Variants in DSCAM observed in about 807,000 individuals in gnomAD.
DSCAM encodes the protein cell adhesion molecule DSCAM.
In DSCAM, 47 loss-of-function variants were observed where a neutral mutation model predicts 217.7. The ratio of observed to expected loss-of-function variants is 0.22; its 90% CI spans 0.17 to 0.28. The LOEUF (loss-of-function observed/expected upper bound fraction) is 0.28. Ranked by LOEUF, DSCAM falls within the 10% of genes least tolerant of loss-of-function variation. The pLI, the probability that DSCAM is intolerant of heterozygous loss-of-function variation, is 1.00. For synonymous variants in DSCAM, 1,056 were observed against 1,015.3 expected, an observed-to-expected ratio of 1.04 and a Z score of -0.76; for missense variants, 2,080 against 2,618.3, an observed-to-expected ratio of 0.79 and a Z score of 4.49.
At chr21:40,302,094 A>G (rs1390657639) in intron 9 of DSCAM, among the ~76,000 whole-genome samples, 1 of 152,160 alleles carries the variant, frequency 6.6e-6, no homozygotes, top group South Asian at 2.1e-4. Flanking sequence ...TTTAAAGATG[A>G]TATTTAGATT....
At chr21:40,528,444 G>C (rs2076417134) in intron 3 of DSCAM, among the ~76,000 whole-genome samples, 1 of 152,080 alleles carries the variant, frequency 6.6e-6, no homozygotes, top group African/African-American at 2.4e-5. Flanking sequence ...TTTATAAATA[G>C]AATAATGCAT....
intron 20 of DSCAM, among the ~76,000 whole-genome samples, chr21:40,100,728 T>A (rs2089739633): frequency 6.6e-6 from 1 of 151,392 alleles, no homozygotes; most frequent in South Asian, 2.1e-4. Context: ...AAACTCACAA[T>A]GGAGTTTCTT....
chr21:40,453,437 T>G (rs2075738164), intron 3 of DSCAM, among the ~76,000 whole-genome samples: 1 of 152,208 alleles, frequency 6.6e-6, no homozygotes, highest in Admixed American at 6.5e-5. Context: ...AATGACTTTA[T>G]GTCCTCAATG....
chr21:40,106,847 T>G (rs924505517), intron 20 of DSCAM, among the ~76,000 whole-genome samples: 11 of 152,158 alleles, frequency 7.2e-5, no homozygotes, highest in African/African-American at 2.7e-4. Flanking sequence ...TGTACTTGTT[T>G]GAATCTTGTC....
intron 3 of DSCAM, among the ~76,000 whole-genome samples, chr21:40,540,462 T>C (rs1314957875): frequency 1.3e-5 from 2 of 152,194 alleles, no homozygotes; most frequent in African/African-American, 4.8e-5. Flanking sequence ...CACACTGCGC[T>C]GTGAATCTCT....
intron 3 of DSCAM, among the ~76,000 whole-genome samples, chr21:40,424,259 C>A (rs1206780796): frequency 6.6e-6 from 1 of 152,104 alleles, no homozygotes; most frequent in African/African-American, 2.4e-5. Context: ...CAAAACATGG[C>A]TTTACTTGGA....
intron 3 of DSCAM, among the ~76,000 whole-genome samples, chr21:40,549,292 C>T (rs2076610751): frequency 6.6e-6 from 1 of 152,114 alleles, no homozygotes; most frequent in South Asian, 2.1e-4. Context: ...ACAAGCTTGG[C>T]AGAACATTCC....
At chr21:40,237,792 T>C (rs1336064379) in intron 11 of DSCAM, among the ~76,000 whole-genome samples, 3 of 152,226 alleles carry the variant, frequency 2.0e-5, no homozygotes, top group Non-Finnish European at 4.4e-5. Context: ...ATAGCCACAC[T>C]GTCTTCCAAG....
At position 40,331,123 on chromosome 21, in the gene DSCAM, G is replaced by A. The variant is rs553842447; in HGVS notation, c.1783+6978C>T. On this transcript the variant is annotated intron_variant, in intron 8 of 32. Transcript: ENST00000400454. ...GTCCTTTCCATAAACAATATTGCAA[G>A]TAACTCCAGTATCTAGAGAGATAGT... Among the ~76,000 whole-genome samples, 8 of 152,306 alleles carry A rather than the reference G, an allele frequency of 5.3e-5. No individual in the cohort carries two copies. In the East Asian group the frequency reaches 1.5e-3, roughly 29 times the overall value.
At chr21:40,638,067 G>T (rs1252979730) in intron 3 of DSCAM, among the ~76,000 whole-genome samples, 1 of 152,116 alleles carries the variant, frequency 6.6e-6, no homozygotes, top group Admixed American at 6.6e-5. Context: ...ATAGTTCTAT[G>T]AGAACATCAT....
intron 10 of DSCAM, among the ~76,000 whole-genome samples, chr21:40,276,721 C>A (rs1171745129): frequency 6.6e-6 from 1 of 152,092 alleles, no homozygotes; most frequent in East Asian, 1.9e-4. Flanking sequence ...ATGTCTGAGG[C>A]TACAAAGAGA....
At chr21:40,131,191 A>C (rs1229826813) in intron 19 of DSCAM, among the ~76,000 whole-genome samples, 2 of 152,238 alleles carry the variant, frequency 1.3e-5, no homozygotes, top group African/African-American at 4.8e-5. Flanking sequence ...ATCTGTAATC[A>C]ATTTGACTGG....
At chr21:40,541,981 G>A (rs1850546400) in intron 3 of DSCAM, among the ~76,000 whole-genome samples, 1 of 152,186 alleles carries the variant, frequency 6.6e-6, no homozygotes, top group South Asian at 2.1e-4. Flanking sequence ...GCATAGATCA[G>A]TGGCTGAAAG....
intron 16 of DSCAM, among the ~76,000 whole-genome samples, chr21:40,164,215 A>G (rs900653363): frequency 6.6e-6 from 1 of 152,192 alleles, no homozygotes; most frequent in African/African-American, 2.4e-5. Context: ...CACTCTGGGG[A>G]TTCCCATCTT....
chr21:40,057,873 C>CTTTT (rs71186913), intron 28 of DSCAM, among the ~76,000 whole-genome samples: 4,917 of 107,086 alleles, frequency 0.046, 475 homozygotes, highest in East Asian at 0.25. Context: ...TCACTGCAGT[C>CTTTT]TTTTTTTTTT....
At chr21:40,210,152 G>A (rs1264011929) in intron 11 of DSCAM, among the ~76,000 whole-genome samples, 3 of 152,072 alleles carry the variant, frequency 2.0e-5, no homozygotes, top group East Asian at 1.9e-4. Flanking sequence ...ATGACTGGCT[G>A]GCACTGTTTT....
In DSCAM at chr21:40,625,629, C is replaced by T. The variant is rs115470547; in HGVS notation, c.508+67181G>A. ...GGATCCTGCTGCAGGAGCTGGAAAG[C>T]CCCCACCCTGTGGCCTTCTCAAGGA... On this transcript the variant is annotated intron_variant, in intron 3 of 32. Transcript: ENST00000400454. Among the ~76,000 whole-genome samples the T allele has an allele frequency of 2.7e-3, 413 of 152,272 alleles. 1 individual carries two copies. The highest frequency in any genetic ancestry group is 9.6e-3 in the African/African-American group (398 of 41,556).
chr21:40,731,250 T>G (rs2091007849), intron 1 of DSCAM, among the ~76,000 whole-genome samples: 1 of 152,210 alleles, frequency 6.6e-6, no homozygotes, highest in Non-Finnish European at 1.5e-5. Flanking sequence ...ATTAGTCACT[T>G]AAACACAGGT....
chr21:40,447,913 A>G (rs73359189), intron 3 of DSCAM, among the ~76,000 whole-genome samples: 1,637 of 152,350 alleles, frequency 0.011, 30 homozygotes, highest in African/African-American at 0.037. Context: ...TCTATTCTTC[A>G]AGACCAATTT....
Sources: allele counts gnomAD v4.1 joint callset (sites outside exome capture counted in the v4.1 genomes callset), GRCh38; gene constraint gnomAD v4.1.1; transcripts MANE v1.5; gene names NCBI Gene and HGNC (gene_info 2026-07-23, HGNC 2026-07-21).